The following SHANK2 variants were observed in gnomAD, a reference collection of about 807,000 sequenced individuals.
SHANK2 encodes the protein SH3 and multiple ankyrin repeat domains protein 2.
SHANK2 carries 43 observed loss-of-function variants against 133.7 expected under a neutral mutation model. That is an observed-to-expected ratio of 0.32 (90% CI 0.25 to 0.41). SHANK2 has a LOEUF of 0.41. Ranked by LOEUF, SHANK2 falls within the 10% of genes least tolerant of loss-of-function variation. The probability of loss-of-function intolerance (pLI) is 1.00; values close to 1 mark genes in which losing one functional copy is unlikely to be tolerated. For missense variants in SHANK2, 1,994 were observed against 2,235.8 expected (o/e 0.89, Z 2.18); for synonymous variants, 1,017 against 952.8 (o/e 1.07, Z -1.24).
At chr11:70,736,288 TG>T (rs1475837349) in intron 14 of SHANK2, among the ~76,000 whole-genome samples, 1 of 152,154 alleles carries the variant, frequency 6.6e-6, no homozygotes, top group Admixed American at 6.5e-5. Context: ...TGTAACTGTG[TG>T]GGCGGGGTGA....
chr11:71,249,912 C>T (rs1007409584), intron 1 of SHANK2, among the ~76,000 whole-genome samples: 1 of 152,182 alleles, frequency 6.6e-6, no homozygotes, highest in Admixed American at 6.5e-5. Context: ...GCAGCACTCA[C>T]ATCTGATATC....
chr11:70,924,978 A>AG (rs1731217071), intron 10 of SHANK2, among the ~76,000 whole-genome samples: 1 of 152,154 alleles, frequency 6.6e-6, no homozygotes, highest in Non-Finnish European at 1.5e-5. Flanking sequence ...CCGGGCTCAC[A>AG]GGGGGGCAGA....
At position 70,890,489 on chromosome 11, in the gene SHANK2, AAAAAAAACAAAAAAAAC is replaced by A. The variant is rs1949822858; in HGVS notation, c.1174+5995_1174+6011del. On this transcript the variant is annotated intron_variant, in intron 11 of 25. Transcript: ENST00000601538. ...CCCTGTCTCTACTAAAAAAAAAAACAAAAAAAACAAAAAAAACAAAAAAACAGAGGCCAGGCATGGTG... is the reference window on the plus strand; with the variant it reads ...CCCTGTCTCTACTAAAAAAAAAAACAAAAAAAACAGAGGCCAGGCATGGTG... Among the ~76,000 whole-genome samples, 9 of 22,072 alleles carry A rather than the reference AAAAAAAACAAAAAAAAC, an allele frequency of 4.1e-4. No homozygotes were observed. In the Admixed American group the frequency reaches 9.5e-3, roughly 23 times the overall value. 14.5% of individuals were successfully genotyped at this position (22,072 alleles called of 152,430 possible).
rs149558776 is a variant in SHANK2, at chr11:70,473,599, G to A, written c.4980-160C>T. 12 of 747,846 alleles carry A rather than the reference G, an allele frequency of 1.6e-5. No individual in the cohort carries two copies. The Middle Eastern group carries it at 8.6e-4, about 54-fold the overall frequency. The allele number at this position is 747,846 out of a possible 1,614,324, so 46.3% of individuals were successfully genotyped here. On this transcript the variant is annotated intron_variant, in intron 25 of 25. Coordinates refer to ENST00000601538, the MANE Select transcript of SHANK2 (RefSeq NM_012309.5). This position sits in a 1 kb window ranked among gnomAD's most constrained non-coding sequence, Gnocchi z 5.9. The stretch of plus-strand genomic sequence containing the variant: ...AACGAATGATTTGCCATGCCAGGGT[G>A]GGGGAGGGGGAGAAAGGGGCCAGAG...
At chr11:70,681,751 CTG>C (rs1443715157) in intron 15 of SHANK2, among the ~76,000 whole-genome samples, 5 of 152,090 alleles carry the variant, frequency 3.3e-5, no homozygotes, top group African/African-American at 1.2e-4. Flanking sequence ...AATGGAGTGA[CTG>C]GGGTGGGAGC....
chr11:70,565,388 G>A (rs530349839), intron 17 of SHANK2, among the ~76,000 whole-genome samples: 8 of 152,230 alleles, frequency 5.3e-5, no homozygotes, highest in Non-Finnish European at 1.2e-4. Context: ...TGGGATTACA[G>A]GCGCGTGCCA....
chr11:71,159,131 G>A (rs782293176), intron 2 of SHANK2, among the ~76,000 whole-genome samples: 4 of 152,218 alleles, frequency 2.6e-5, no homozygotes, highest in African/African-American at 4.8e-5. Flanking sequence ...CTCTCATCAC[G>A]CTGAGGTCAG....
Position 70,473,317 on chromosome 11 carries a change from G to A in SHANK2, c.5102C>T (p.Thr1701Ile), listed in dbSNP as rs782710913. The change falls in exon 26 of 26, where the codon ACC (threonine) becomes ATC (isoleucine). Residue 1701 changes from threonine to isoleucine, a missense_variant. Thr to Ile is a moderately conservative substitution (Grantham distance 89). Coordinates refer to ENST00000601538, the MANE Select transcript of SHANK2 (RefSeq NM_012309.5). This position sits in a 1 kb window ranked among gnomAD's most constrained non-coding sequence, Gnocchi z 5.9. ...GCTTGGGGCACGTCTTGTTCCTGAG[G>A]TCCTGCTTTCATAGTCGGGGGGCCG... ...QSRPPDYESR[T>I]SGTRRAPSPV... 1.2e-6 allele frequency: 2 copies of A among 1,613,930 alleles called. No homozygotes were observed. Among genetic ancestry groups the A allele is most frequent in the East Asian group, 2.2e-5 (1 of 44,870 alleles).
Position 71,086,135 on chromosome 11 carries a change from TA to T in SHANK2, c.912+6286del, listed in dbSNP as rs1951406274. The stretch of plus-strand genomic sequence containing the variant: ...ATGTTATATAATATATTAAATTATA[TA>T]ATATATTATGTTATATAATATATTA... On this transcript the variant is annotated intron_variant, in intron 8 of 25. Coordinates refer to ENST00000601538, the MANE Select transcript of SHANK2 (RefSeq NM_012309.5). 5.3e-3 allele frequency among the ~76,000 whole-genome samples: 46 copies of T among 8,670 alleles called. 5 individuals carry two copies. The highest frequency in any genetic ancestry group is 0.018 in the Admixed American group (5 of 280). The allele number at this position is 8,670 out of a possible 152,430, so 5.7% of individuals were successfully genotyped here. A position where few individuals can be genotyped will look rare whatever the true frequency, so the allele number is the denominator to read the frequency against.
intron 11 of SHANK2, among the ~76,000 whole-genome samples, chr11:70,851,573 G>C (rs1949086652): frequency 6.6e-6 from 1 of 152,206 alleles, no homozygotes; most frequent in Non-Finnish European, 1.5e-5. Flanking sequence ...TGAGCACGGA[G>C]TCCACACATG....
chr11:71,141,757 C>A (rs1555105843), intron 3 of SHANK2, among the ~76,000 whole-genome samples: 1 of 152,144 alleles, frequency 6.6e-6, no homozygotes, highest in African/African-American at 2.4e-5. Flanking sequence ...GGGCCTGCTC[C>A]TCTCCAAAGG....
At chr11:71,141,960 C>T (rs1330653190) in intron 3 of SHANK2, among the ~76,000 whole-genome samples, 1 of 149,522 alleles carries the variant, frequency 6.7e-6, no homozygotes, top group South Asian at 2.1e-4. Context: ...AAACCTCCAA[C>T]GGTCTCTGAG....
rs1333523389 is a variant in SHANK2, at chr11:70,738,927, A to G, written c.1778-40164T>C. On this transcript the variant is annotated intron_variant, in intron 14 of 25. Transcript: ENST00000601538. The stretch of plus-strand genomic sequence containing the variant: ...GAATGGAGATCCGGCCCATGGAGAA[A>G]GACAGCGGGGTCACTGGACTCAACT... Among the ~76,000 whole-genome samples the G allele has an allele frequency of 2.0e-5, 3 of 152,214 alleles. No individual in the cohort carries two copies. The East Asian group carries it at 5.8e-4, about 29-fold the overall frequency.
At chr11:70,630,844 G>C (rs1441334769) in intron 17 of SHANK2, among the ~76,000 whole-genome samples, 1 of 152,304 alleles carries the variant, frequency 6.6e-6, no homozygotes, top group East Asian at 1.9e-4. Context: ...CCAGCTGGTG[G>C]CTTTGAACCC....
At chr11:70,782,249 AT>A (rs1162192736) in intron 14 of SHANK2, among the ~76,000 whole-genome samples, 8 of 152,120 alleles carry the variant, frequency 5.3e-5, no homozygotes, top group African/African-American at 1.9e-4. Flanking sequence ...TAGAGACAAG[AT>A]TTTGCCATGT....
chr11:70,825,697 C>T (rs1555057055), intron 11 of SHANK2, among the ~76,000 whole-genome samples: 1 of 152,124 alleles, frequency 6.6e-6, no homozygotes, highest in African/African-American at 2.4e-5. Context: ...TAAAGTCATA[C>T]CTTTTTATGA....
intron 2 of SHANK2, among the ~76,000 whole-genome samples, chr11:71,184,075 C>T (rs1555114155): frequency 6.6e-6 from 1 of 152,166 alleles, no homozygotes; most frequent in Non-Finnish European, 1.5e-5. Context: ...ATCAAGCTGC[C>T]CATCTCTTGA....
intron 17 of SHANK2, among the ~76,000 whole-genome samples, chr11:70,556,034 T>A (rs924543059): frequency 6.6e-6 from 1 of 152,254 alleles, no homozygotes. Flanking sequence ...CAAGTGCTGA[T>A]GGAGAAGCTG....
chr11:71,095,385 C>A (rs1301881884), intron 6 of SHANK2, among the ~76,000 whole-genome samples: 1 of 152,194 alleles, frequency 6.6e-6, no homozygotes, highest in Non-Finnish European at 1.5e-5. Context: ...ATCTTTCCGT[C>A]CACTCTTCAT....
Sources: allele counts gnomAD v4.1 joint callset (sites outside exome capture counted in the v4.1 genomes callset), GRCh38; gene constraint gnomAD v4.1.1; non-coding constraint Gnocchi (gnomAD v3.1); transcripts MANE v1.5; gene names NCBI Gene and HGNC (gene_info 2026-07-23, HGNC 2026-07-21).